CNRIP1: variants seen among roughly 807,000 people sequenced by gnomAD.
The protein encoded by CNRIP1 is cannabinoid receptor interacting protein 1, also known as CB1 cannabinoid receptor-interacting protein 1.
In CNRIP1, 10 loss-of-function variants were observed where a neutral mutation model predicts 15.2. The ratio of observed to expected loss-of-function variants is 0.66; its 90% confidence interval spans 0.41 to 1.12. The LOEUF (loss-of-function observed/expected upper bound fraction) is 1.12. CNRIP1 is among the 50% of genes most tolerant of loss of function. The pLI, the probability that CNRIP1 is intolerant of heterozygous loss-of-function variation, is 0.00. For missense variants in CNRIP1, 211 were observed against 214.7 expected, an observed-to-expected ratio of 0.98 and a Z score of 0.11; for synonymous variants, 91 against 83.2, an observed-to-expected ratio of 1.09 and a Z score of -0.51.
rs1672418529 is a variant in CNRIP1, at chr2:68,319,545, G to C, written c.-145C>G. 9.1e-6 allele frequency: 7 copies of C among 765,820 alleles called. No homozygotes were observed. The South Asian group carries it at 1.2e-4, about 13-fold the overall frequency. 47.4% of individuals were successfully genotyped at this position (765,820 alleles called of 1,614,324 possible). Reference sequence around the variant, plus strand: ...GCTGAGGCTGCCGCTAGGAACCCGCGCCGTCGCCGCCGTCCGCCCGGGCTT... The same window carrying C: ...GCTGAGGCTGCCGCTAGGAACCCGCCCCGTCGCCGCCGTCCGCCCGGGCTT... On this transcript the variant is annotated 5_prime_UTR_variant, in exon 1 of 3. Coordinates refer to ENST00000263655, the MANE Select transcript of CNRIP1 (RefSeq NM_015463.3).
At chr2:68,310,769 T>C (rs1018775187) in intron 2 of CNRIP1, among the ~76,000 whole-genome samples, 9 of 150,318 alleles carry the variant, frequency 6.0e-5, no homozygotes, top group Non-Finnish European at 1.0e-4. Context: ...AGGTGTTGGA[T>C]TTATTAACTA....
At chr2:68,315,834 A>T (rs1470704729) in intron 2 of CNRIP1, 1 of 150,872 alleles carries the variant, frequency 6.6e-6, no homozygotes, top group African/African-American at 2.4e-5. Context: ...GTATCACCAC[A>T]CCCGGTTAAC....
intron 2 of CNRIP1, among the ~76,000 whole-genome samples, chr2:68,314,248 C>T (rs1490356938): frequency 2.0e-5 from 3 of 151,826 alleles, no homozygotes; most frequent in East Asian, 1.9e-4. Context: ...CCCCTGAGTC[C>T]CTGATATACA....
chr2:68,290,967 A>T (rs1232853293), downstream of CNRIP1, among the ~76,000 whole-genome samples: 1 of 152,194 alleles, frequency 6.6e-6, no homozygotes, highest in Non-Finnish European at 1.5e-5. Flanking sequence ...TTGGAGGTAG[A>T]GAGACGTGGC....
chr2:68,302,105 T>A (rs1671633986), intron 2 of CNRIP1, among the ~76,000 whole-genome samples: 1 of 152,066 alleles, frequency 6.6e-6, no homozygotes. Context: ...ATAAAACCAT[T>A]TTTCATATAT....
intron 2 of CNRIP1, among the ~76,000 whole-genome samples, chr2:68,309,193 T>A (rs1671983095): frequency 6.6e-6 from 1 of 152,176 alleles, no homozygotes; most frequent in South Asian, 2.1e-4. Flanking sequence ...TTTAAGGGTG[T>A]TGTTTTTGAT....
chr2:68,300,233 T>C (rs1671553824), intron 2 of CNRIP1, among the ~76,000 whole-genome samples: 1 of 152,248 alleles, frequency 6.6e-6, no homozygotes, highest in African/African-American at 2.4e-5. Flanking sequence ...GCAATGAGAA[T>C]TTCAATTGCT....
At chr2:68,300,370 G>C (rs573172499) in intron 2 of CNRIP1, among the ~76,000 whole-genome samples, 1 of 152,314 alleles carries the variant, frequency 6.6e-6, no homozygotes, top group African/African-American at 2.4e-5. Flanking sequence ...GGCAATCCCA[G>C]CATTTTGGGA....
intron 2 of CNRIP1, among the ~76,000 whole-genome samples, chr2:68,296,083 AGAG>A (rs1250459764): frequency 3.3e-5 from 5 of 152,244 alleles, no homozygotes; most frequent in African/African-American, 4.8e-5. Flanking sequence ...CACAAAGTTT[AGAG>A]TAGTAAACAA....
rs1672291601 is a variant in CNRIP1, at chr2:68,316,904, TTC to T, written c.330+251_330+252del. ...ATAACTGGGAAAATGGCAATGTAGG[TTC>T]TGTCTCTTCCAGAACCATCTGCTTC... On this transcript the variant is annotated intron_variant, in intron 2 of 2. Transcript: ENST00000263655. The T allele has an allele frequency of 1.1e-5, 7 of 610,248 alleles. No homozygotes were observed. The East Asian group carries it at 1.9e-4, about 17-fold the overall frequency. 37.8% of individuals were successfully genotyped at this position (610,248 alleles called of 1,614,324 possible).
At position 68,306,124 on chromosome 2, in the gene CNRIP1, C is replaced by CAAAAAAAAAAAAAAAAAAAAA. The variant is rs61586261; in HGVS notation, c.330+11012_330+11032dup. ...CTGGGCAGCAGAGACCCCACCTCTA[C>CAAAAAAAAAAAAAAAAAAAAA]AAAAAAAAAAAAAAAAAAAAAAAAA... On this transcript the variant is annotated intron_variant, in intron 2 of 2. Transcript: ENST00000263655. Among the ~76,000 whole-genome samples the CAAAAAAAAAAAAAAAAAAAAA allele has an allele frequency of 1.6e-3, 41 of 25,340 alleles. 8 individuals are homozygous for CAAAAAAAAAAAAAAAAAAAAA. The highest frequency in any genetic ancestry group is 2.9e-3 in the Admixed American group (4 of 1,386). The allele number at this position is 25,340 out of a possible 152,430, so 16.6% of individuals were successfully genotyped here.
chr2:68,314,859 A>G (rs6717242), intron 2 of CNRIP1, among the ~76,000 whole-genome samples: 1 of 151,760 alleles, frequency 6.6e-6, no homozygotes, highest in Non-Finnish European at 1.5e-5. Context: ...TATAAAAGTA[A>G]GAACTGAAAT....
chr2:68,289,338 C>T (rs551246395), downstream of CNRIP1, among the ~76,000 whole-genome samples: 1 of 152,216 alleles, frequency 6.6e-6, no homozygotes, highest in South Asian at 2.1e-4. Context: ...CCTTTCCAAG[C>T]ATCAAAATAG....
downstream of CNRIP1, among the ~76,000 whole-genome samples, chr2:68,290,511 T>C (rs1254156696): frequency 6.6e-6 from 1 of 152,228 alleles, no homozygotes; most frequent in African/African-American, 2.4e-5. Flanking sequence ...TCTACTGTTC[T>C]TTTGATTTAC....
intron 2 of CNRIP1, among the ~76,000 whole-genome samples, chr2:68,303,008 C>T (rs1039291780): frequency 6.6e-6 from 1 of 151,878 alleles, no homozygotes; most frequent in Non-Finnish European, 1.5e-5. Flanking sequence ...CTACCTCGCC[C>T]GGCTAATTTT....
chr2:68,303,896 G>A (rs1671709423), intron 2 of CNRIP1, among the ~76,000 whole-genome samples: 1 of 152,134 alleles, frequency 6.6e-6, no homozygotes, highest in Non-Finnish European at 1.5e-5. Context: ...GGCAAACATG[G>A]TGAAACCCTG....
chr2:68,309,730 G>A (rs1672002883), intron 2 of CNRIP1, among the ~76,000 whole-genome samples: 1 of 152,170 alleles, frequency 6.6e-6, no homozygotes, highest in Non-Finnish European at 1.5e-5. Flanking sequence ...TGGCAGAGAA[G>A]CTGGAAATAA....
chr2:68,294,742 A>G (rs975243632), intron 2 of CNRIP1, among the ~76,000 whole-genome samples: 1 of 152,236 alleles, frequency 6.6e-6, no homozygotes, highest in African/African-American at 2.4e-5. Flanking sequence ...TTGAATACTT[A>G]TAAGTCAGGA....
intron 2 of CNRIP1, among the ~76,000 whole-genome samples, chr2:68,312,392 T>C (rs1338752633): frequency 6.6e-6 from 1 of 152,100 alleles, no homozygotes; most frequent in African/African-American, 2.4e-5. Context: ...AGAAAAACTA[T>C]TTGAAAACAT....
Sources: gnomAD v4.1 joint callset for allele counts (sites outside exome capture counted in the v4.1 genomes callset) on GRCh38, gnomAD v4.1.1 for gene constraint, MANE v1.5 for transcripts, NCBI Gene and HGNC (gene_info 2026-07-23, HGNC 2026-07-21) for gene names.